The following MTOR variants were observed in gnomAD, a reference collection of about 807,000 sequenced individuals.
MTOR encodes the protein mechanistic target of rapamycin kinase.
In MTOR, 70 loss-of-function variants were observed where a neutral mutation model predicts 319.8. That is an observed-to-expected ratio of 0.22 (90% confidence interval 0.18 to 0.27). The LOEUF (loss-of-function observed/expected upper bound fraction) is 0.27. Ranked by LOEUF, MTOR falls within the 10% of genes least tolerant of loss-of-function variation. MTOR has a pLI of 1.00. For synonymous variants in MTOR, 1,183 were observed against 1,211.4 expected (o/e 0.98, Z 0.49); for missense variants, 1,890 against 3,274.4 (o/e 0.58, Z 10.32).
At chr1:11,190,407 T>C (rs765421996) in intron 28 of MTOR, among the ~76,000 whole-genome samples, 1 of 152,232 alleles carries the variant, frequency 6.6e-6, no homozygotes, top group African/African-American at 2.4e-5. Context: ...GGAATGAGCA[T>C]TAATGGAATT....
chr1:11,212,570 G>T lies in MTOR; in HGVS notation c.3399-96C>A. 1 of 1,405,756 alleles carries T rather than the reference G, an allele frequency of 7.1e-7. No homozygotes were observed. The highest frequency in any genetic ancestry group is 9.7e-7 in the Non-Finnish European group (1 of 1,029,486). The allele number at this position is 1,405,756 out of a possible 1,614,324, so 87.1% of individuals were successfully genotyped here. ...GCTTAACAATCAGCACCAAAGGGAT[G>T]GGAATGAACGGCTTCTAAGGTATTT... On this transcript the variant is annotated intron_variant, in intron 22 of 57. Coordinates refer to ENST00000361445, the MANE Select transcript of MTOR (RefSeq NM_004958.4). The surrounding 1 kb of genome is among the most constrained non-coding windows in gnomAD (Gnocchi z 4.1).
chr1:11,182,522 G>A (rs1328884294), intron 28 of MTOR, among the ~76,000 whole-genome samples: 4 of 152,090 alleles, frequency 2.6e-5, no homozygotes, highest in Non-Finnish European at 5.9e-5. Flanking sequence ...AAATATAGGA[G>A]AATATAACAC....
intron 49 of MTOR, among the ~76,000 whole-genome samples, chr1:11,118,019 A>C (rs111956988): frequency 0.059 from 8,934 of 151,664 alleles, 371 homozygotes; most frequent in South Asian, 0.12. Flanking sequence ...GCAGAGGTTG[A>C]AGTGAGCCAA....
Position 11,209,419 on chromosome 1 carries a change from A to G in MTOR, c.3694T>C (p.Tyr1232His). The change falls in exon 25 of 58, where the codon TAC becomes CAC. Residue 1232 changes from tyrosine (Y) to histidine (H), a missense_variant. Physicochemically the swap from Tyr to His is moderately conservative, Grantham distance 83. Coordinates refer to ENST00000361445, the MANE Select transcript of MTOR (RefSeq NM_004958.4). ...LADEEEDPLI[Y>H]QHRMLRSGQG... ...CCACTCCTAAGCATCCGATGCTGGT[A>G]AATCAAAGGATCCTCCTCTTCATCA... 6.2e-7 allele frequency: 1 copy of G among 1,614,212 alleles called. No homozygotes were observed. The highest frequency in any genetic ancestry group is 8.5e-7 in the Non-Finnish European group (1 of 1,180,032).
At chr1:11,147,200 T>C (rs1643960408) in intron 31 of MTOR, among the ~76,000 whole-genome samples, 1 of 152,218 alleles carries the variant, frequency 6.6e-6, no homozygotes, top group Admixed American at 6.5e-5. Flanking sequence ...GTTGGGAAAT[T>C]ACATTTTCCT....
In MTOR at chr1:11,237,982, G is replaced by A. The variant is rs779998245; in HGVS notation, c.2069C>T (p.Ala690Val). Residue 690 changes from alanine to valine, a missense_variant, in exon 13 of 58, where the codon GCG becomes GTG. Coordinates refer to ENST00000361445, the MANE Select transcript of MTOR (RefSeq NM_004958.4). ...DERFDAHLAQ[A>V]ENLQALFVAL... ...CACAAACAAGGCCTGCAAGTTCTCC[G>A]CCTGGGCCAGGTGTGCATCAAAGCG... 11 of 1,614,182 alleles carry A rather than the reference G, an allele frequency of 6.8e-6. No homozygotes were observed. Among genetic ancestry groups the A allele is most frequent in the Middle Eastern group, 1.6e-4 (1 of 6,062 alleles).
chr1:11,144,808 G>T (rs1643877209), intron 33 of MTOR, 53 bp from the exon 34 acceptor site: 2 of 1,567,766 alleles, frequency 1.3e-6, no homozygotes, highest in African/African-American at 2.7e-5. Flanking sequence ...CAATCCAAAA[G>T]ACAGGATTAA....
intron 6 of MTOR, among the ~76,000 whole-genome samples, chr1:11,248,918 A>T (rs182942517): frequency 6.6e-6 from 1 of 152,150 alleles, no homozygotes; most frequent in Admixed American, 6.5e-5. Context: ...TTACCTTTAC[A>T]ATGGGCTGCT....
chr1:11,234,639 G>A (rs1002739405), intron 13 of MTOR, among the ~76,000 whole-genome samples: 6 of 152,134 alleles, frequency 3.9e-5, no homozygotes, highest in African/African-American at 1.4e-4. Flanking sequence ...AGGGCCCCTT[G>A]GGAGAAAAAT....
At chr1:11,249,762 A>G (rs1649360948) in intron 6 of MTOR, among the ~76,000 whole-genome samples, 1 of 146,380 alleles carries the variant, frequency 6.8e-6, no homozygotes, top group South Asian at 2.3e-4. Flanking sequence ...CAGGATCCCA[A>G]GGCAGAAGAA....
intron 28 of MTOR, chr1:11,189,780 C>G (rs778357459): frequency 6.2e-7 from 1 of 1,614,184 alleles, no homozygotes; most frequent in East Asian, 2.2e-5. Flanking sequence ...GTGAACTGAA[C>G]AAGAAGCAGG....
chr1:11,138,158 ACAGT>A (rs1056816072), intron 36 of MTOR, among the ~76,000 whole-genome samples: 2 of 152,238 alleles, frequency 1.3e-5, no homozygotes, highest in African/African-American at 2.4e-5. Context: ...CTTAGGCAAG[ACAGT>A]CAAAGACTTG....
intron 19 of MTOR, 112 bp downstream of exon 19, chr1:11,228,556 G>A: frequency 1.4e-6 from 2 of 1,385,354 alleles, no homozygotes; most frequent in Middle Eastern, 5.3e-4. Context: ...GGGGAGGAAG[G>A]CATTGGGCTC....
chr1:11,249,390 A>G (rs1363354728), intron 6 of MTOR, among the ~76,000 whole-genome samples: 2 of 149,858 alleles, frequency 1.3e-5, no homozygotes, highest in Non-Finnish European at 1.5e-5. Flanking sequence ...TTTTTTTTTG[A>G]AACTAAAACA....
Position 11,121,859 on chromosome 1 carries a change from A to C in MTOR, c.6810+120T>G, listed in dbSNP as rs1028849195. 4 of 1,340,694 alleles carry C rather than the reference A, an allele frequency of 3.0e-6. No homozygotes were observed. The highest frequency in any genetic ancestry group is 4.1e-6 in the Non-Finnish European group (4 of 986,354). The allele number at this position is 1,340,694 out of a possible 1,614,324, so 83.0% of individuals were successfully genotyped here. A position where few individuals can be genotyped will look rare whatever the true frequency, so the allele number is the denominator to read the frequency against. ...GACTCACTTTATTAAACCTTCTTCA[A>C]AGCTGATTCTCTCAAAGAGATTTTT... On this transcript the variant is annotated intron_variant, in intron 48 of 57. Transcript: ENST00000361445. This position sits in a 1 kb window ranked among gnomAD's most constrained non-coding sequence, Gnocchi z 4.9.
intron 28 of MTOR, chr1:11,194,568 C>T (rs201406810): frequency 3.3e-5 from 54 of 1,614,150 alleles, no homozygotes; most frequent in Non-Finnish European, 3.9e-5. Context: ...ATGTGGGGAA[C>T]GACGCCCTCC....
intron 28 of MTOR, chr1:11,189,920 T>C: frequency 1.2e-6 from 2 of 1,613,628 alleles, no homozygotes; most frequent in Non-Finnish European, 1.7e-6. Context: ...ATCATGCAGC[T>C]GCAGGCAGCA....
intron 47 of MTOR, 86 bp from the exon 48 acceptor site, chr1:11,122,212 T>C (rs1642568014): frequency 6.6e-7 from 1 of 1,523,626 alleles, no homozygotes; most frequent in South Asian, 1.3e-5. Context: ...CTGTTTTTTT[T>C]TTCTTTTTTG....
At chr1:11,192,368 G>C (rs779157662) in intron 28 of MTOR, 2 of 1,609,648 alleles carry the variant, frequency 1.2e-6, no homozygotes, top group South Asian at 1.1e-5. Context: ...CCCTGAACTG[G>C]AGGTGAGGTC....
Sources: allele counts gnomAD v4.1 joint callset (sites outside exome capture counted in the v4.1 genomes callset), GRCh38; gene constraint gnomAD v4.1.1; non-coding constraint Gnocchi (gnomAD v3.1); transcripts MANE v1.5; gene names NCBI Gene and HGNC (gene_info 2026-07-23, HGNC 2026-07-21).